The following FTO variants were observed in gnomAD, a reference collection of about 807,000 sequenced individuals.
FTO encodes FTO alpha-ketoglutarate dependent dioxygenase.
Under a neutral mutation model 63.9 loss-of-function variants are expected in FTO, and 47 were observed. The ratio of observed to expected loss-of-function variants is 0.74; its 90% CI spans 0.58 to 0.94. The LOEUF (loss-of-function observed/expected upper bound fraction) is 0.94. FTO is among the 40% of genes least tolerant of loss of function. The probability of loss-of-function intolerance (pLI) is 0.00; values close to 1 mark genes in which losing one functional copy is unlikely to be tolerated. For synonymous variants in FTO, 207 were observed against 224.4 expected, an observed-to-expected ratio of 0.92 and a Z score of 0.69; for missense variants, 562 against 618.1, an observed-to-expected ratio of 0.91 and a Z score of 0.96.
At chr16:53,998,978 C>T (rs1437404647) in intron 8 of FTO, among the ~76,000 whole-genome samples, 6 of 152,156 alleles carry the variant, frequency 3.9e-5, no homozygotes, top group South Asian at 2.1e-4. Context: ...AAGAAAGTAA[C>T]CCTTTCCCTC....
intron 1 of FTO, among the ~76,000 whole-genome samples, chr16:53,712,583 G>C (rs1468016071): frequency 6.6e-6 from 1 of 152,136 alleles, no homozygotes; most frequent in Non-Finnish European, 1.5e-5. Context: ...GTTGCTTTCT[G>C]TTATTTCCAG....
chr16:53,734,448 G>C (rs2076343150), intron 1 of FTO, among the ~76,000 whole-genome samples: 1 of 152,210 alleles, frequency 6.6e-6, no homozygotes, highest in Non-Finnish European at 1.5e-5. Flanking sequence ...GAATAGAAAA[G>C]TATAGCGTTC....
At chr16:53,723,262 G>A (rs2076082394) in intron 1 of FTO, among the ~76,000 whole-genome samples, 1 of 152,192 alleles carries the variant, frequency 6.6e-6, no homozygotes, top group Admixed American at 6.5e-5. Flanking sequence ...GCATCTGTCT[G>A]TACCGTGGTT....
chr16:53,830,724 C>T (rs996964784), intron 3 of FTO, among the ~76,000 whole-genome samples: 1 of 152,114 alleles, frequency 6.6e-6, no homozygotes, highest in Non-Finnish European at 1.5e-5. Flanking sequence ...ATGGTGAAAC[C>T]TTGTCTCTTA....
chr16:54,014,848 CTCTTTTTT>C (rs1474088304), intron 8 of FTO, among the ~76,000 whole-genome samples: 5 of 94,324 alleles, frequency 5.3e-5, no homozygotes, highest in East Asian at 2.6e-4. Flanking sequence ...CTCTCTCTCT[CTCTTTTTT>C]TTTTTTTTTT....
At chr16:53,932,909 A>G (rs938208375) in intron 7 of FTO, among the ~76,000 whole-genome samples, 5 of 152,164 alleles carry the variant, frequency 3.3e-5, no homozygotes, top group African/African-American at 9.7e-5. Context: ...AAAAGAATCA[A>G]TTTGGTCTGG....
At chr16:53,899,220 T>C (rs955709707) in intron 7 of FTO, among the ~76,000 whole-genome samples, 4 of 119,650 alleles carry the variant, frequency 3.3e-5, no homozygotes, top group African/African-American at 1.1e-4. Flanking sequence ...CTTATGCAAA[T>C]ATGGAAAATC....
chr16:53,941,153 C>A (rs1386579714), intron 8 of FTO, among the ~76,000 whole-genome samples: 5 of 152,200 alleles, frequency 3.3e-5, no homozygotes, highest in Non-Finnish European at 7.3e-5. Context: ...ATATGCAAAA[C>A]CGACAAGTCG....
At chr16:53,792,484 T>C (rs1000994157) in intron 1 of FTO, among the ~76,000 whole-genome samples, 2 of 152,228 alleles carry the variant, frequency 1.3e-5, no homozygotes, top group Non-Finnish European at 2.9e-5. Context: ...TATAGTGACT[T>C]TACTGCAACA....
chr16:54,026,880 C>T (rs1302090958), intron 8 of FTO, among the ~76,000 whole-genome samples: 1 of 152,174 alleles, frequency 6.6e-6, no homozygotes, highest in Admixed American at 6.5e-5. Flanking sequence ...TTTTCTTTAG[C>T]CTTTTTGCAA....
At chr16:53,765,831 G>C (rs1039839606) in intron 1 of FTO, among the ~76,000 whole-genome samples, 1 of 152,098 alleles carries the variant, frequency 6.6e-6, no homozygotes, top group East Asian at 1.9e-4. Context: ...AAGGGCAAAG[G>C]AATGAGGCCA....
intron 6 of FTO, among the ~76,000 whole-genome samples, chr16:53,885,951 C>T (rs1598909356): frequency 6.6e-6 from 1 of 152,158 alleles, no homozygotes; most frequent in Non-Finnish European, 1.5e-5. Flanking sequence ...GATGAGGTCT[C>T]ACTATGTTGC....
chr16:53,772,900 C>T (rs2077371297), intron 1 of FTO, among the ~76,000 whole-genome samples: 1 of 152,024 alleles, frequency 6.6e-6, no homozygotes, highest in Admixed American at 6.6e-5. Flanking sequence ...TGCTACTTTT[C>T]ATATTTGTCT....
intron 8 of FTO, chr16:54,054,606 G>A (rs1361006073): frequency 1.3e-5 from 2 of 152,210 alleles, no homozygotes; most frequent in Non-Finnish European, 2.9e-5. Context: ...ACTTGCCATT[G>A]TCACCGGTAG....
chr16:54,088,800 G>A (rs2086310292), intron 8 of FTO, among the ~76,000 whole-genome samples: 1 of 152,074 alleles, frequency 6.6e-6, no homozygotes, highest in African/African-American at 2.4e-5. Context: ...CTGCACACTG[G>A]GAAAATTCAT....
At chr16:53,776,774 T>C (rs7193144) in intron 1 of FTO, among the ~76,000 whole-genome samples, 59,577 of 151,946 alleles carry the variant, frequency 0.39, 11,988 homozygotes, top group African/African-American at 0.42. Context: ...TTTGTTTAGT[T>C]GTTGAAATAT....
rs546648329 is a variant in FTO at position 53,854,115 on chromosome 16, AT to A, written c.895+9821del. Among the ~76,000 whole-genome samples the A allele has an allele frequency of 2.0e-5, 3 of 151,728 alleles. No homozygotes were observed. In the South Asian group the frequency reaches 6.2e-4, roughly 32 times the overall value. On this transcript the variant is annotated intron_variant, in intron 4 of 8. Transcript: ENST00000471389. ...TCATATGTTTATTGGCCATTTGTAT[AT>A]TTTCTTTTGAGAAATGTCTATTCAT...
intron 8 of FTO, among the ~76,000 whole-genome samples, chr16:53,987,000 G>A (rs1266586637): frequency 6.6e-6 from 1 of 151,930 alleles, no homozygotes; most frequent in Non-Finnish European, 1.5e-5. Flanking sequence ...ATGTAATTAG[G>A]TTACATCTGT....
chr16:53,760,233 TGTGTGTGTGTGTGTGTGTGTG>T (rs1308635191), intron 1 of FTO, among the ~76,000 whole-genome samples: 12 of 16,134 alleles, frequency 7.4e-4, no homozygotes, highest in African/African-American at 4.7e-3. Flanking sequence ...TGTGTGTGTG[TGTGTGTGTGTGTGTGTGTGTG>T]TGTGTGTTTT....
Sources: allele counts gnomAD v4.1 joint callset (sites outside exome capture counted in the v4.1 genomes callset), GRCh38; gene constraint gnomAD v4.1.1; transcripts MANE v1.5; gene names NCBI Gene and HGNC (gene_info 2026-07-23, HGNC 2026-07-21).